CADM2: variants seen among roughly 807,000 people sequenced by gnomAD.
CADM2 encodes cell adhesion molecule 2, also known as immunoglobulin superfamily member 4D.
A neutral mutation model predicts 49.8 loss-of-function variants in CADM2; 12 were observed. That is an observed-to-expected ratio of 0.24 (90% CI 0.15 to 0.39). The LOEUF is 0.39. CADM2 is among the 10% of genes least tolerant of loss of function. The probability of loss-of-function intolerance (pLI) is 1.00; values close to 1 mark genes in which losing one functional copy is unlikely to be tolerated. For missense variants in CADM2, 378 were observed against 492.3 expected, an observed-to-expected ratio of 0.77 and a Z score of 2.20; for synonymous variants, 214 against 175.4, an observed-to-expected ratio of 1.22 and a Z score of -1.74.
chr3:85,881,693 G>A (rs1712806206), intron 3 of CADM2, among the ~76,000 whole-genome samples: 1 of 152,152 alleles, frequency 6.6e-6, no homozygotes. Flanking sequence ...GAGAAGAGGA[G>A]ATTCCTCAGG....
intron 1 of CADM2, among the ~76,000 whole-genome samples, chr3:85,418,404 T>A (rs2036009049): frequency 6.6e-6 from 1 of 152,140 alleles, no homozygotes; most frequent in Non-Finnish European, 1.5e-5. Context: ...AGAATTCTAC[T>A]TTTGGCTCAA....
intron 7 of CADM2, among the ~76,000 whole-genome samples, chr3:85,940,836 CT>C (rs1233464606): frequency 1.3e-5 from 2 of 151,760 alleles, no homozygotes; most frequent in Non-Finnish European, 2.9e-5. Context: ...ATTTTTTTTC[CT>C]TTTTTTAAAT....
chr3:85,340,250 A>T (rs945119132), intron 1 of CADM2, among the ~76,000 whole-genome samples: 1 of 151,578 alleles, frequency 6.6e-6, no homozygotes, highest in African/African-American at 2.4e-5. Context: ...TGATTTGGCT[A>T]GAACTCTTTA....
chr3:85,261,837 T>C (rs1477057228), intron 1 of CADM2, among the ~76,000 whole-genome samples: 4 of 152,102 alleles, frequency 2.6e-5, no homozygotes, highest in Non-Finnish European at 4.4e-5. Flanking sequence ...GTCACCTTTT[T>C]CCCCTAATCT....
intron 4 of CADM2, among the ~76,000 whole-genome samples, chr3:85,883,954 C>T (rs990377569): frequency 6.6e-6 from 1 of 152,160 alleles, no homozygotes; most frequent in African/African-American, 2.4e-5. Context: ...TGTGTCTTCT[C>T]TCCTTTTGAA....
At chr3:85,365,415 A>G (rs551481716) in intron 1 of CADM2, among the ~76,000 whole-genome samples, 4 of 152,206 alleles carry the variant, frequency 2.6e-5, no homozygotes, top group South Asian at 2.1e-4. Flanking sequence ...TATTATAGCA[A>G]TCAAAACCTT....
At chr3:86,022,298 C>G (rs1385179518) in intron 8 of CADM2, among the ~76,000 whole-genome samples, 1 of 151,906 alleles carries the variant, frequency 6.6e-6, no homozygotes, top group East Asian at 1.9e-4. Flanking sequence ...TCAATAATAA[C>G]ATGATTTTAA....
chr3:84,983,365 T>A (rs1484350918), intron 1 of CADM2, among the ~76,000 whole-genome samples: 1 of 151,918 alleles, frequency 6.6e-6, no homozygotes, highest in Non-Finnish European at 1.5e-5. Flanking sequence ...ATATCTGTTT[T>A]TTTTTTTCAT....
At chr3:85,429,008 A>C (rs2036549192) in intron 1 of CADM2, among the ~76,000 whole-genome samples, 1 of 151,932 alleles carries the variant, frequency 6.6e-6, no homozygotes, top group Non-Finnish European at 1.5e-5. Context: ...CTTTGGCTCA[A>C]AATGTTTTGG....
rs192139080 is a variant in CADM2, at chr3:85,490,429, T to A, written c.62-236093T>A. Among the ~76,000 whole-genome samples the A allele has an allele frequency of 6.6e-5, 10 of 152,162 alleles. No individual in the cohort carries two copies. In the East Asian group the frequency reaches 1.5e-3, roughly 24 times the overall value. On this transcript the variant is annotated intron_variant, in intron 1 of 9. Transcript: ENST00000383699. Reference sequence around the variant, plus strand: ...TGTTTTTAACTCAATGTAAATTTTTTAAAATCAGCCTGGGTGTGGTGGCTT... The same window carrying A: ...TGTTTTTAACTCAATGTAAATTTTTAAAAATCAGCCTGGGTGTGGTGGCTT...
At chr3:85,054,909 T>A (rs2107420193) in intron 1 of CADM2, among the ~76,000 whole-genome samples, 1 of 152,048 alleles carries the variant, frequency 6.6e-6, no homozygotes, top group South Asian at 2.1e-4. Flanking sequence ...ATTTATTAAA[T>A]ATTTGAGAGG....
rs970986982 is a variant in CADM2, at chr3:85,533,529, A to C, written c.62-192993A>C. Among the ~76,000 whole-genome samples the C allele has an allele frequency of 1.8e-4, 28 of 152,304 alleles. 1 individual carries two copies. The highest frequency in any genetic ancestry group is 4.1e-4 in the South Asian group (2 of 4,832). The stretch of plus-strand genomic sequence containing the variant: ...AAATTAATGAAAATTTGGCTTACAC[A>C]AACTTTATTCAAATGGCAAGTGTCA... On this transcript the variant is annotated intron_variant, in intron 1 of 9. Transcript: ENST00000383699.
At chr3:85,523,288 C>T (rs1459041642) in intron 1 of CADM2, among the ~76,000 whole-genome samples, 5 of 152,096 alleles carry the variant, frequency 3.3e-5, no homozygotes, top group Non-Finnish European at 7.4e-5. Flanking sequence ...AAGGCTGCAT[C>T]CCAGAAGTTT....
chr3:85,888,202 A>C (rs1232922242), intron 5 of CADM2, among the ~76,000 whole-genome samples: 1 of 152,132 alleles, frequency 6.6e-6, no homozygotes, highest in African/African-American at 2.4e-5. Context: ...AGGAGGTCAT[A>C]CACTTTCACA....
At chr3:86,043,634 T>G (rs1342956927) in intron 8 of CADM2, among the ~76,000 whole-genome samples, 2 of 152,108 alleles carry the variant, frequency 1.3e-5, no homozygotes, top group Admixed American at 6.6e-5. Flanking sequence ...GGCCATACTG[T>G]CCAAGGTAAT....
chr3:85,532,575 A>G (rs1045136047), intron 1 of CADM2, among the ~76,000 whole-genome samples: 4 of 152,200 alleles, frequency 2.6e-5, no homozygotes, highest in Non-Finnish European at 5.9e-5. Context: ...AAATAAAAGC[A>G]TCAGTGTGTG....
chr3:84,981,707 T>C (rs2032192472), intron 1 of CADM2, among the ~76,000 whole-genome samples: 1 of 152,058 alleles, frequency 6.6e-6, no homozygotes, highest in African/African-American at 2.4e-5. Flanking sequence ...CTTCTTTAAA[T>C]CAGAATATAC....
chr3:85,345,313 CAAAAA>C (rs3085180), intron 1 of CADM2, among the ~76,000 whole-genome samples: 3 of 47,174 alleles, frequency 6.4e-5, no homozygotes, highest in African/African-American at 2.7e-4. Context: ...GTCTCCATCT[CAAAAA>C]AAAAAAAAAA....
At chr3:85,543,882 G>A (rs981754425) in intron 1 of CADM2, among the ~76,000 whole-genome samples, 2 of 152,032 alleles carry the variant, frequency 1.3e-5, no homozygotes, top group Non-Finnish European at 2.9e-5. Flanking sequence ...GTCACATAGG[G>A]GATTAAGTTT....
Sources: allele counts gnomAD v4.1 joint callset (sites outside exome capture counted in the v4.1 genomes callset), GRCh38; gene constraint gnomAD v4.1.1; transcripts MANE v1.5; gene names NCBI Gene and HGNC (gene_info 2026-07-23, HGNC 2026-07-21).